Variants in ARIH1 observed in about 807,000 individuals in gnomAD.
ARIH1 encodes ariadne RBR E3 ubiquitin protein ligase 1.
ARIH1 carries 8 observed loss-of-function variants against 85.0 expected under a neutral mutation model. The ratio of observed to expected loss-of-function variants is 0.09; its 90% CI spans 0.06 to 0.17. The LOEUF (loss-of-function observed/expected upper bound fraction) is 0.17, where lower values mean the gene tolerates loss of function less well. ARIH1 is among the 10% of genes least tolerant of loss of function. The probability of loss-of-function intolerance (pLI) is 1.00; values close to 1 mark genes in which losing one functional copy is unlikely to be tolerated. For missense variants in ARIH1, 311 were observed against 718.1 expected (o/e 0.43, Z 6.48); for synonymous variants, 238 against 253.6 (o/e 0.94, Z 0.59).
intron 11 of ARIH1, among the ~76,000 whole-genome samples, chr15:72,574,902 G>A (rs3883866): frequency 6.9e-5 from 7 of 102,062 alleles, no homozygotes; most frequent in African/African-American, 2.5e-4. Flanking sequence ...AGACCCCCCC[G>A]CCGCCCCCGC....
At chr15:72,497,409 G>T (rs1479852077) in intron 1 of ARIH1, among the ~76,000 whole-genome samples, 2 of 151,930 alleles carry the variant, frequency 1.3e-5, no homozygotes, top group Non-Finnish European at 2.9e-5. Flanking sequence ...TTAAGTATTT[G>T]TATCAGTTTA....
chr15:72,552,701 A>G (rs1595868099), intron 3 of ARIH1, among the ~76,000 whole-genome samples: 1 of 152,090 alleles, frequency 6.6e-6, no homozygotes, highest in East Asian at 1.9e-4. Flanking sequence ...CTCTGGAAGA[A>G]TATGTAAAAA....
At chr15:72,504,858 A>G (rs1291238628) in intron 1 of ARIH1, among the ~76,000 whole-genome samples, 2 of 152,184 alleles carry the variant, frequency 1.3e-5, no homozygotes, top group African/African-American at 4.8e-5. Flanking sequence ...AAGTTATTCT[A>G]TGATATGTCA....
intron 1 of ARIH1, among the ~76,000 whole-genome samples, chr15:72,512,110 T>C (rs2063953358): frequency 1.3e-5 from 2 of 152,210 alleles, no homozygotes; most frequent in South Asian, 2.1e-4. Context: ...GTTCATGTAG[T>C]AATTTTCTTG....
intron 6 of ARIH1, 83 bp from the exon 7 acceptor site, chr15:72,563,311 G>C: frequency 8.4e-7 from 1 of 1,188,420 alleles, no homozygotes; most frequent in Non-Finnish European, 1.2e-6. Context: ...CTCCCGCCTT[G>C]GCCTCCCTAA....
intron 3 of ARIH1, among the ~76,000 whole-genome samples, chr15:72,552,777 G>GTT (rs1167993396): frequency 2.3e-4 from 32 of 139,898 alleles, no homozygotes; most frequent in East Asian, 6.2e-4. Flanking sequence ...AGGGAGGCCT[G>GTT]TTTTTTTTTT....
intron 3 of ARIH1, 133 bp from the exon 4 acceptor site, chr15:72,555,138 G>C (rs906809582): frequency 1.6e-6 from 1 of 623,854 alleles, no homozygotes; most frequent in Non-Finnish European, 2.8e-6. Context: ...TTCATTTTAG[G>C]AGCCCATCTA....
At chr15:72,532,911 A>G (rs2064064042) in intron 2 of ARIH1, among the ~76,000 whole-genome samples, 1 of 152,214 alleles carries the variant, frequency 6.6e-6, no homozygotes, top group South Asian at 2.1e-4. Context: ...GCAATCTAGA[A>G]CTTTGTTAAC....
chr15:72,504,039 A>G (rs1476778897), intron 1 of ARIH1, among the ~76,000 whole-genome samples: 1 of 152,116 alleles, frequency 6.6e-6, no homozygotes, highest in Non-Finnish European at 1.5e-5. Context: ...GCAAAGGGCC[A>G]GTGTGATAGC....
intron 10 of ARIH1, among the ~76,000 whole-genome samples, chr15:72,570,764 T>C (rs909527518): frequency 1.7e-4 from 26 of 152,230 alleles, no homozygotes; most frequent in African/African-American, 6.3e-4. Context: ...AAAGGCTTTG[T>C]CATATTTTTT....
chr15:72,548,751 A>G (rs1048729370), intron 3 of ARIH1, among the ~76,000 whole-genome samples: 1 of 152,208 alleles, frequency 6.6e-6, no homozygotes, highest in Admixed American at 6.5e-5. Context: ...CTTCACTTAC[A>G]TTGTATAACT....
At chr15:72,490,995 A>G (rs1013461325) in intron 1 of ARIH1, among the ~76,000 whole-genome samples, 5 of 152,146 alleles carry the variant, frequency 3.3e-5, no homozygotes, top group African/African-American at 1.2e-4. Context: ...GTGCTCCTGT[A>G]ATCCCAGCTA....
intron 2 of ARIH1, among the ~76,000 whole-genome samples, chr15:72,531,408 C>T (rs1198840985): frequency 6.6e-6 from 1 of 151,994 alleles, no homozygotes; most frequent in Non-Finnish European, 1.5e-5. Flanking sequence ...CCTGGAATTA[C>T]AGGCACGAGC....
chr15:72,498,380 A>T (rs1369586151), intron 1 of ARIH1, among the ~76,000 whole-genome samples: 1 of 152,212 alleles, frequency 6.6e-6, no homozygotes, highest in Non-Finnish European at 1.5e-5. Flanking sequence ...TTCTAATATA[A>T]CCATATCAAT....
At chr15:72,541,925 G>A (rs2064109136) in intron 2 of ARIH1, among the ~76,000 whole-genome samples, 1 of 152,206 alleles carries the variant, frequency 6.6e-6, no homozygotes, top group Non-Finnish European at 1.5e-5. Context: ...ACAATGGGAT[G>A]TAATTCAAGG....
chr15:72,484,934 G>A (rs1247156117), intron 1 of ARIH1, among the ~76,000 whole-genome samples: 1 of 152,018 alleles, frequency 6.6e-6, no homozygotes, highest in Non-Finnish European at 1.5e-5. Flanking sequence ...TTTCCTCTGG[G>A]TGGATACCCA....
chr15:72,583,148 C>A, intron 13 of ARIH1, 60 bp from the exon 14 acceptor site: 2 of 1,336,710 alleles, frequency 1.5e-6, no homozygotes, highest in Non-Finnish European at 2.1e-6. Flanking sequence ...TAAGTAAATG[C>A]CTCTTTTTTT....
At chr15:72,477,839 TCTGTCACC>T (rs1056722363) in intron 1 of ARIH1, among the ~76,000 whole-genome samples, 2 of 152,132 alleles carry the variant, frequency 1.3e-5, no homozygotes, top group African/African-American at 4.8e-5. Flanking sequence ...ACAGCCTCAC[TCTGTCACC>T]CAGGCTGTAG....
At chr15:72,555,509 A>G in intron 4 of ARIH1, 146 bp downstream of exon 4, 2 of 657,578 alleles carry the variant, frequency 3.0e-6, no homozygotes, top group East Asian at 2.8e-5. Flanking sequence ...GCTTTTTCCT[A>G]AAGTAATGTG....
Sources: allele counts gnomAD v4.1 joint callset (sites outside exome capture counted in the v4.1 genomes callset), GRCh38; gene constraint gnomAD v4.1.1; transcripts MANE v1.5; gene names NCBI Gene and HGNC (gene_info 2026-07-23, HGNC 2026-07-21).